ATP2C2: variants seen among roughly 807,000 people sequenced by gnomAD.
ATP2C2 encodes ATPase secretory pathway Ca2+ transporting 2.
A neutral mutation model predicts 110.8 loss-of-function variants in ATP2C2; 171 were observed. The ratio of observed to expected loss-of-function variants is 1.54; its 90% CI spans 1.36 to 1.75. ATP2C2 has a LOEUF of 1.75. Ranked by LOEUF, ATP2C2 falls within the 40% of genes most tolerant of loss-of-function variation. The pLI is 0.00. For synonymous variants in ATP2C2, 804 were observed against 508.4 expected, an observed-to-expected ratio of 1.58 and a Z score of -7.82; for missense variants, 1,963 against 1,235.0, an observed-to-expected ratio of 1.59 and a Z score of -8.84.
intron 11 of ATP2C2, among the ~76,000 whole-genome samples, chr16:84,437,597 C>T (rs1216778442): frequency 1.3e-5 from 2 of 152,184 alleles, no homozygotes; most frequent in Non-Finnish European, 2.9e-5. Context: ...TTCACTGCAA[C>T]CTCCGCCTCT....
intron 2 of ATP2C2, chr16:84,404,915 GC>G (rs1481795130): frequency 1.5e-6 from 1 of 665,882 alleles, no homozygotes; most frequent in Admixed American, 2.1e-5. Context: ...CGTCTTTTCT[GC>G]TGTAATTATA....
At chr16:84,408,544 C>G (rs1360023309) in intron 4 of ATP2C2, 50 bp downstream of exon 4, 2 of 1,435,852 alleles carry the variant, frequency 1.4e-6, no homozygotes, top group East Asian at 4.6e-5. Context: ...CACAGGTCTG[C>G]TGAGTCTCTG....
At chr16:84,431,484 A>G (rs1224945953) in intron 11 of ATP2C2, among the ~76,000 whole-genome samples, 1 of 152,094 alleles carries the variant, frequency 6.6e-6, no homozygotes, top group Non-Finnish European at 1.5e-5. Flanking sequence ...CAACAGAGCA[A>G]AACTCTGTCT....
intron 1 of ATP2C2, among the ~76,000 whole-genome samples, chr16:84,381,159 G>C (rs976570788): frequency 6.6e-6 from 1 of 152,226 alleles, no homozygotes; most frequent in Non-Finnish European, 1.5e-5. Context: ...GATAGGCGGT[G>C]AAGTTACGTT....
Position 84,444,162 on chromosome 16 carries a change from C to CAAAAAAAAA in ATP2C2, c.1401+1577_1401+1585dup, listed in dbSNP as rs71151217. Among the ~76,000 whole-genome samples the CAAAAAAAAA allele has an allele frequency of 3.1e-3, 327 of 104,542 alleles. 3 individuals carry two copies. The highest frequency in any genetic ancestry group is 5.1e-3 in the African/African-American group (131 of 25,452). The allele number at this position is 104,542 out of a possible 152,430, so 68.6% of individuals were successfully genotyped here. On this transcript the variant is annotated intron_variant, in intron 15 of 26. Coordinates refer to ENST00000262429, the MANE Select transcript of ATP2C2 (RefSeq NM_014861.4). ...AGTCTAGATGAGAGAGATCCTGCCT[C>CAAAAAAAAA]AAAAAAAAAAAAAAAAAAAAAACAA...
chr16:84,422,212 T>C (rs900437549), intron 7 of ATP2C2, among the ~76,000 whole-genome samples, 178 bp from the exon 8 acceptor site: 111 of 152,260 alleles, frequency 7.3e-4, no homozygotes, highest in African/African-American at 2.6e-3. Context: ...GAGAGGCCGC[T>C]CATTCAAAGC....
At chr16:84,410,352 A>G (rs1906163398) in intron 4 of ATP2C2, among the ~76,000 whole-genome samples, 2 of 152,100 alleles carry the variant, frequency 1.3e-5, no homozygotes, top group Admixed American at 6.5e-5. Flanking sequence ...AAAAATCTAG[A>G]TGGGTACTCT....
chr16:84,431,324 C>T (rs1401518530), intron 11 of ATP2C2, among the ~76,000 whole-genome samples: 1 of 151,992 alleles, frequency 6.6e-6, no homozygotes, highest in Non-Finnish European at 1.5e-5. Flanking sequence ...TGTGGTGTTG[C>T]ATCTCTACCA....
rs373746877 is a variant in ATP2C2, at chr16:84,462,162, T to C, written c.2722+33T>C. On this transcript the variant is annotated intron_variant, in intron 26 of 26. Transcript: ENST00000262429. ...GTGGGGACGGGAACGACAGGTGACC[T>C]CGACCAGGGCCATGGGGGGCGGCAG... The C allele has an allele frequency of 3.4e-5, 54 of 1,597,228 alleles. No homozygotes were observed. In the African/African-American group the frequency reaches 5.2e-4, roughly 15 times the overall value.
At chr16:84,377,059 A>G (rs1910290949) in intron 1 of ATP2C2, among the ~76,000 whole-genome samples, 1 of 152,246 alleles carries the variant, frequency 6.6e-6, no homozygotes, top group Non-Finnish European at 1.5e-5. Context: ...GATGGTGATA[A>G]GAACATGGGA....
intron 5 of ATP2C2, 37 bp from the exon 6 acceptor site, chr16:84,410,667 C>A (rs753693898): frequency 3.1e-6 from 5 of 1,613,732 alleles, no homozygotes; most frequent in Non-Finnish European, 4.2e-6. Flanking sequence ...ATGGAGTCCC[C>A]ACCTTTAAAC....
Position 84,453,247 on chromosome 16 carries a change from G to A in ATP2C2, c.1929+12G>A, listed in dbSNP as rs779488540. ...ACCGCGTGGGGAAGGTGGGTCCCCGGAGGCTTGGCTGGCAGTGGGGCTGGG... is the reference window on the plus strand; with the variant it reads ...ACCGCGTGGGGAAGGTGGGTCCCCGAAGGCTTGGCTGGCAGTGGGGCTGGG... On this transcript the variant is annotated intron_variant, in intron 19 of 26. Coordinates refer to ENST00000262429, the MANE Select transcript of ATP2C2 (RefSeq NM_014861.4). The A allele has an allele frequency of 1.2e-6, 2 of 1,614,060 alleles. No homozygotes were observed. The highest frequency in any genetic ancestry group is 2.2e-5 in the South Asian group (2 of 91,076).
At chr16:84,372,070 A>T (rs1402263590) in intron 1 of ATP2C2, among the ~76,000 whole-genome samples, 1 of 152,140 alleles carries the variant, frequency 6.6e-6, no homozygotes, top group African/African-American at 2.4e-5. Context: ...TTCTAGACAG[A>T]AGAGGTAGAG....
At chr16:84,406,698 C>T (rs1905800151) in intron 3 of ATP2C2, 1 of 965,202 alleles carries the variant, frequency 1.0e-6, no homozygotes. Flanking sequence ...AACTGCAGGG[C>T]TGAGAAGAGG....
At position 84,461,885 on chromosome 16, in the gene ATP2C2, G is replaced by C. The variant is rs957156061; in HGVS notation, c.2580+73G>C. On this transcript the variant is annotated intron_variant, in intron 25 of 26. Transcript: ENST00000262429. ...CGACAGCAGCGCCCCGACCCTGCCC[G>C]CAGCATTGAGCGGCTCTGGCTCAGC... 53 of 1,606,500 alleles carry C rather than the reference G, an allele frequency of 3.3e-5. No homozygotes were observed. In the South Asian group the frequency reaches 5.6e-4, roughly 17 times the overall value.
chr16:84,458,334 G>C (rs1294052873), intron 21 of ATP2C2, among the ~76,000 whole-genome samples: 1 of 2,938 alleles, frequency 3.4e-4, no homozygotes, highest in Non-Finnish European at 1.2e-3. Context: ...TCACACTCTG[G>C]GGACTGTGGT....
At chr16:84,391,005 T>G (rs1815230637) in intron 1 of ATP2C2, among the ~76,000 whole-genome samples, 1 of 148,590 alleles carries the variant, frequency 6.7e-6, no homozygotes, top group Admixed American at 6.8e-5. Flanking sequence ...TCCCAGCTAC[T>G]CGAGTGGGTG....
chr16:84,420,975 C>T (rs2875890), intron 7 of ATP2C2, among the ~76,000 whole-genome samples: 69,615 of 151,808 alleles, frequency 0.46, 16,389 homozygotes, highest in African/African-American at 0.55. Context: ...CCGGCTAATT[C>T]TTGTATTTTT....
At chr16:84,381,156 G>A (rs540712958) in intron 1 of ATP2C2, among the ~76,000 whole-genome samples, 22 of 152,298 alleles carry the variant, frequency 1.4e-4, no homozygotes, top group Non-Finnish European at 2.9e-4. Context: ...GGGGATAGGC[G>A]GTGAAGTTAC....
Sources: allele counts gnomAD v4.1 joint callset (sites outside exome capture counted in the v4.1 genomes callset), GRCh38; gene constraint gnomAD v4.1.1; transcripts MANE v1.5; gene names NCBI Gene and HGNC (gene_info 2026-07-23, HGNC 2026-07-21).